The following NEGR1 variants were observed in gnomAD, a reference collection of about 807,000 sequenced individuals.
The protein encoded by NEGR1 is neuronal growth regulator 1, also known as IgLON family member 4.
In NEGR1, 10 loss-of-function variants were observed where a neutral mutation model predicts 40.9. That is an observed-to-expected ratio of 0.24 (90% CI 0.15 to 0.42). NEGR1 has a LOEUF of 0.42. NEGR1 is among the 10% of genes least tolerant of loss of function. NEGR1 has a pLI of 1.00. For missense variants in NEGR1, 352 were observed against 438.9 expected, an observed-to-expected ratio of 0.80 and a Z score of 1.77; for synonymous variants, 185 against 166.8, an observed-to-expected ratio of 1.11 and a Z score of -0.84.
chr1:71,530,583 A>G (rs1340550383), intron 6 of NEGR1, among the ~76,000 whole-genome samples: 1 of 151,322 alleles, frequency 6.6e-6, no homozygotes, highest in African/African-American at 2.4e-5. Flanking sequence ...CTTTCAATTC[A>G]ATTCAACACG....
At chr1:71,988,545 CAAAA>C (rs1197884975) in intron 1 of NEGR1, among the ~76,000 whole-genome samples, 117 of 39,728 alleles carry the variant, frequency 2.9e-3, no homozygotes, top group African/African-American at 0.01. Flanking sequence ...GACTCCGTCT[CAAAA>C]AAAAAAAAAA....
At chr1:71,665,675 A>T (rs922092967) in intron 4 of NEGR1, among the ~76,000 whole-genome samples, 1 of 149,922 alleles carries the variant, frequency 6.7e-6, no homozygotes, top group African/African-American at 2.5e-5. Context: ...ATTCATTCTA[A>T]TTTTTTCTTT....
chr1:71,606,846 C>G (rs983912152), intron 5 of NEGR1, among the ~76,000 whole-genome samples: 1 of 150,310 alleles, frequency 6.7e-6, no homozygotes, highest in African/African-American at 2.5e-5. Flanking sequence ...GCTGATTGCT[C>G]TTAGCACACA....
intron 3 of NEGR1, among the ~76,000 whole-genome samples, chr1:71,761,347 C>T (rs920495119): frequency 1.3e-5 from 2 of 152,168 alleles, no homozygotes; most frequent in Admixed American, 1.3e-4. Flanking sequence ...ACAAAAAAGA[C>T]AGCAGGACAC....
chr1:71,888,301 G>C (rs1282890277), intron 2 of NEGR1, among the ~76,000 whole-genome samples: 3 of 152,096 alleles, frequency 2.0e-5, no homozygotes, highest in Non-Finnish European at 4.4e-5. Flanking sequence ...TTCCATCTGA[G>C]GTACCGGGTT....
intron 4 of NEGR1, among the ~76,000 whole-genome samples, chr1:71,614,482 T>C (rs77024947): frequency 0.025 from 3,837 of 152,284 alleles, 113 homozygotes; most frequent in Admixed American, 0.078. Context: ...TTCATGTACT[T>C]GTCAATTATT....
chr1:71,451,615 C>T (rs1646629344), intron 6 of NEGR1, among the ~76,000 whole-genome samples: 1 of 152,106 alleles, frequency 6.6e-6, no homozygotes, highest in African/African-American at 2.4e-5. Context: ...TGATTACAGG[C>T]ATGTAGGTGG....
At chr1:71,837,181 C>T (rs917887829) in intron 2 of NEGR1, among the ~76,000 whole-genome samples, 4 of 152,074 alleles carry the variant, frequency 2.6e-5, no homozygotes, top group African/African-American at 9.7e-5. Flanking sequence ...TTTCAGATTG[C>T]TTTTGAAGAG....
chr1:71,816,117 TTTGCTTATGTAC>T (rs1356586965), intron 2 of NEGR1, among the ~76,000 whole-genome samples: 1 of 152,086 alleles, frequency 6.6e-6, no homozygotes, highest in Non-Finnish European at 1.5e-5. Context: ...AATTTAAGTA[TTTGCTTATGTAC>T]TTGCTGTTTG....
At chr1:72,251,588 T>G (rs1198003518) in intron 1 of NEGR1, among the ~76,000 whole-genome samples, 1 of 152,176 alleles carries the variant, frequency 6.6e-6, no homozygotes, top group African/African-American at 2.4e-5. Flanking sequence ...CATCTCTAGA[T>G]TTCTTATAAT....
intron 1 of NEGR1, among the ~76,000 whole-genome samples, chr1:72,104,843 T>C (rs1206460943): frequency 2.0e-5 from 3 of 152,146 alleles, no homozygotes; most frequent in African/African-American, 4.8e-5. Flanking sequence ...TTGTCATTTG[T>C]AAACAAACAC....
intron 2 of NEGR1, among the ~76,000 whole-genome samples, chr1:71,845,923 C>CTTTT (rs368324879): frequency 6.3e-5 from 7 of 110,692 alleles, no homozygotes; most frequent in African/African-American, 1.1e-4. Context: ...CGGCACCTGG[C>CTTTT]TTTTTTTTTT....
chr1:72,271,414 T>C (rs1655839375), intron 1 of NEGR1, among the ~76,000 whole-genome samples: 1 of 151,818 alleles, frequency 6.6e-6, no homozygotes, highest in Non-Finnish European at 1.5e-5. Flanking sequence ...AAAGGTTATT[T>C]TCATTATACA....
At chr1:71,761,943 G>T (rs1018855922) in intron 3 of NEGR1, among the ~76,000 whole-genome samples, 1 of 151,970 alleles carries the variant, frequency 6.6e-6, no homozygotes, top group African/African-American at 2.4e-5. Flanking sequence ...TTCCAAGTTT[G>T]CTTGACAGTT....
intron 2 of NEGR1, among the ~76,000 whole-genome samples, chr1:71,809,182 A>G (rs934053870): frequency 2.0e-5 from 3 of 152,136 alleles, no homozygotes; most frequent in African/African-American, 7.2e-5. Flanking sequence ...GTGTTGCAAA[A>G]GAGTGTGTGC....
At chr1:71,707,098 A>G (rs547879928) in intron 3 of NEGR1, among the ~76,000 whole-genome samples, 1 of 151,092 alleles carries the variant, frequency 6.6e-6, no homozygotes, top group Non-Finnish European at 1.5e-5. Context: ...AAGTGGTTTG[A>G]TTGAGAGTGC....
intron 1 of NEGR1, among the ~76,000 whole-genome samples, chr1:72,175,180 A>C (rs1652122659): frequency 6.6e-6 from 1 of 152,072 alleles, no homozygotes; most frequent in Non-Finnish European, 1.5e-5. Context: ...GTGCATTTTA[A>C]ATTATCTTGC....
At chr1:72,003,787 C>T (rs1646578997) in intron 1 of NEGR1, among the ~76,000 whole-genome samples, 1 of 152,054 alleles carries the variant, frequency 6.6e-6, no homozygotes, top group South Asian at 2.1e-4. Context: ...GTACAGAAAA[C>T]CTGATATTAC....
chr1:71,693,755 A>G (rs1223015503), intron 4 of NEGR1, among the ~76,000 whole-genome samples: 1 of 151,556 alleles, frequency 6.6e-6, no homozygotes, highest in Non-Finnish European at 1.5e-5. Flanking sequence ...AACTGGAAGA[A>G]TACATACAAA....
Sources: gnomAD v4.1 joint callset for allele counts (sites outside exome capture counted in the v4.1 genomes callset) on GRCh38, gnomAD v4.1.1 for gene constraint, MANE v1.5 for transcripts, NCBI Gene and HGNC (gene_info 2026-07-23, HGNC 2026-07-21) for gene names.